PEBP4: variants seen among roughly 807,000 people sequenced by gnomAD.
PEBP4 encodes phosphatidylethanolamine binding protein 4.
PEBP4 carries 22 observed loss-of-function variants against 23.9 expected under a neutral mutation model. The observed-to-expected ratio is 0.92, with a 90% confidence interval of 0.66 to 1.31. The LOEUF (loss-of-function observed/expected upper bound fraction) is 1.31. PEBP4 is among the 40% of genes most tolerant of loss of function. PEBP4 has a pLI of 0.00. For missense variants in PEBP4, 324 were observed against 281.7 expected (o/e 1.15, Z -1.07); for synonymous variants, 112 against 99.3 (o/e 1.13, Z -0.76).
At chr8:22,809,518 G>T (rs1408761155) in intron 4 of PEBP4, among the ~76,000 whole-genome samples, 4 of 152,144 alleles carry the variant, frequency 2.6e-5, no homozygotes, top group African/African-American at 4.8e-5. Context: ...TAGCAATATG[G>T]CCTCATGAGT....
rs185016599 is a variant in PEBP4, at chr8:22,927,240, C to A, written c.131+344G>T. ...GTTCTGGGGAGAGGGGGCATTCAGG[C>A]TGCAGGGAGGGATGGTCTCTCTCTG... On this transcript the variant is annotated intron_variant, in intron 2 of 6. Transcript: ENST00000256404. Among the ~76,000 whole-genome samples the A allele has an allele frequency of 6.6e-4, 100 of 152,120 alleles. 1 individual carries two copies. The highest frequency in any genetic ancestry group is 2.2e-3 in the African/African-American group (91 of 41,456).
intron 3 of PEBP4, among the ~76,000 whole-genome samples, chr8:22,855,032 A>G (rs1001833956): frequency 4.5e-5 from 3 of 65,946 alleles, no homozygotes; most frequent in African/African-American, 1.7e-4. Context: ...ACACACACAC[A>G]CACACACACA....
At chr8:22,854,223 G>C (rs749253752) in intron 3 of PEBP4, among the ~76,000 whole-genome samples, 6 of 152,172 alleles carry the variant, frequency 3.9e-5, no homozygotes, top group African/African-American at 7.2e-5. Context: ...CTTTGCTGGT[G>C]TTCATTTTAA....
chr8:22,749,407 C>T (rs375458246), intron 4 of PEBP4, among the ~76,000 whole-genome samples: 23 of 152,306 alleles, frequency 1.5e-4, no homozygotes, highest in African/African-American at 5.1e-4. Context: ...ACTGTCTTCC[C>T]GGGCTCACGG....
At chr8:22,806,569 C>G (rs1806497588) in intron 4 of PEBP4, among the ~76,000 whole-genome samples, 1 of 145,398 alleles carries the variant, frequency 6.9e-6, no homozygotes, top group Admixed American at 7.0e-5. Flanking sequence ...GAGCCGAGAT[C>G]ATGCCACTGC....
intron 4 of PEBP4, among the ~76,000 whole-genome samples, chr8:22,786,484 A>G (rs1336916151): frequency 6.6e-6 from 1 of 151,954 alleles, no homozygotes; most frequent in Non-Finnish European, 1.5e-5. Flanking sequence ...GGGCCTTGCC[A>G]TGTTGCCCAG....
At chr8:22,716,247 G>A (rs1436347398) in intron 6 of PEBP4, among the ~76,000 whole-genome samples, 5 of 152,208 alleles carry the variant, frequency 3.3e-5, no homozygotes, top group African/African-American at 9.7e-5. Flanking sequence ...CTGCACAACC[G>A]TAGGGGGTGC....
Position 22,713,463 on chromosome 8 carries a change from G to C in PEBP4, c.591C>G (p.Thr197=), listed in dbSNP as rs761973314. The change falls in exon 7 of 7, where the codon ACC becomes ACG. Residue 197 remains threonine, a synonymous_variant. Transcript: ENST00000256404. The part of the protein sequence containing the change: ...GEPEASTQFM[T]QNYQDSPTLQ... ...GGGTTGGTGAGTCCTGGTAGTTCTG[G>C]GTCATGAACTGGGTGCTTGCTTCAG... The C allele has an allele frequency of 6.2e-7, 1 of 1,614,086 alleles. No homozygotes were observed. The highest frequency in any genetic ancestry group is 8.5e-7 in the Non-Finnish European group (1 of 1,180,002).
At position 22,722,732 on chromosome 8, in the gene PEBP4, G is replaced by T. The variant is rs569749741; in HGVS notation, c.517+2111C>A. On this transcript the variant is annotated intron_variant, in intron 6 of 6. Transcript: ENST00000256404. ...GCACATGGAAGGCATCACATGGCAA[G>T]ACTGGGACCTTGGCTGGGGCTTTCA... is the stretch of plus-strand genomic sequence containing the variant. Among the ~76,000 whole-genome samples, 362 of 152,126 alleles carry T rather than the reference G, an allele frequency of 2.4e-3. 1 individual carries two copies. The highest frequency in any genetic ancestry group is 3.3e-3 in the Non-Finnish European group (225 of 67,986).
intron 4 of PEBP4, among the ~76,000 whole-genome samples, chr8:22,802,022 A>G (rs780290681): frequency 6.6e-6 from 1 of 152,130 alleles, no homozygotes; most frequent in Non-Finnish European, 1.5e-5. Flanking sequence ...CAGCCCAGGG[A>G]GCTCTGGGCA....
At chr8:22,781,905 G>A (rs1265546783) in intron 4 of PEBP4, among the ~76,000 whole-genome samples, 1 of 152,176 alleles carries the variant, frequency 6.6e-6, no homozygotes, top group African/African-American at 2.4e-5. Flanking sequence ...TCTCAGCAAG[G>A]CCCAGGTAAC....
chr8:22,898,666 C>T (rs1013586755), intron 3 of PEBP4, among the ~76,000 whole-genome samples: 2 of 152,222 alleles, frequency 1.3e-5, no homozygotes, highest in African/African-American at 4.8e-5. Context: ...AGAGGTGGCC[C>T]CTTGGCTGTT....
At chr8:22,784,131 C>T (rs1410543860) in intron 4 of PEBP4, among the ~76,000 whole-genome samples, 2 of 152,204 alleles carry the variant, frequency 1.3e-5, no homozygotes, top group South Asian at 2.1e-4. Context: ...ATTATGGAGA[C>T]AGCCCCTGGC....
At chr8:22,798,629 C>T (rs990400848) in intron 4 of PEBP4, 6 of 152,974 alleles carry the variant, frequency 3.9e-5, no homozygotes, top group African/African-American at 1.4e-4. Flanking sequence ...TGGCATCCCT[C>T]CTCTCGGGAA....
At chr8:22,868,094 T>C (rs991189672) in intron 3 of PEBP4, among the ~76,000 whole-genome samples, 18 of 152,232 alleles carry the variant, frequency 1.2e-4, no homozygotes, top group African/African-American at 1.9e-4. Flanking sequence ...GCCCCAGATG[T>C]TGGGGGTTGG....
chr8:22,896,073 A>G (rs1808584047), intron 3 of PEBP4: 1 of 152,226 alleles, frequency 6.6e-6, no homozygotes, highest in Non-Finnish European at 1.5e-5. Context: ...AGATGAAACC[A>G]TGTTCCCAAA....
At chr8:22,908,196 A>G (rs1808855467) in intron 3 of PEBP4, among the ~76,000 whole-genome samples, 1 of 152,110 alleles carries the variant, frequency 6.6e-6, no homozygotes, top group Non-Finnish European at 1.5e-5. Flanking sequence ...CCACAAATGC[A>G]TGTGAGCAGG....
At chr8:22,910,750 G>A (rs1446865149) in intron 3 of PEBP4, among the ~76,000 whole-genome samples, 1 of 152,216 alleles carries the variant, frequency 6.6e-6, no homozygotes. Flanking sequence ...CAACATTCTG[G>A]AGAAGGCAAA....
intron 3 of PEBP4, among the ~76,000 whole-genome samples, chr8:22,822,003 G>T (rs1464990709): frequency 2.0e-5 from 3 of 146,592 alleles, no homozygotes; most frequent in Admixed American, 6.8e-5. Context: ...AAAAAAAGAG[G>T]CTGAGGAGAA....
Sources: allele counts gnomAD v4.1 joint callset (sites outside exome capture counted in the v4.1 genomes callset), GRCh38; gene constraint gnomAD v4.1.1; transcripts MANE v1.5; gene names NCBI Gene and HGNC (gene_info 2026-07-23, HGNC 2026-07-21).